The following HDAC3 variants were observed in gnomAD, a reference collection of about 807,000 sequenced individuals.
HDAC3 encodes SMAP45.
In HDAC3, 21 loss-of-function variants were observed where a neutral mutation model predicts 62.3. That is an observed-to-expected ratio of 0.34 (90% CI 0.24 to 0.49). The LOEUF is 0.49. Among genes scored for constraint, HDAC3 ranks in the 20% least tolerant of loss-of-function variants. The pLI is 0.99. For synonymous variants in HDAC3, 198 were observed against 206.5 expected (o/e 0.96, Z 0.35); for missense variants, 270 against 556.9 (o/e 0.48, Z 5.19).
Position 141,622,559 on chromosome 5 carries a change from A to G in HDAC3, c.1218-1022T>C, listed in dbSNP as rs531209414. Reference sequence around the variant, plus strand: ...GCGGAGGTTGCAGTGAGCCGGGATTAGCCACTGCACTCCAGCCTGGCAACA... The same window carrying G: ...GCGGAGGTTGCAGTGAGCCGGGATTGGCCACTGCACTCCAGCCTGGCAACA... On this transcript the variant is annotated intron_variant, in intron 14 of 14. Coordinates refer to ENST00000305264, the MANE Select transcript of HDAC3 (RefSeq NM_003883.4). 3.3e-5 allele frequency among the ~76,000 whole-genome samples: 5 copies of G among 151,988 alleles called. No homozygotes were observed. The East Asian group carries it at 9.7e-4, about 29-fold the overall frequency.
In HDAC3 at chr5:141,629,809, A is replaced by G. The variant is rs1322737438; in HGVS notation, c.420+51T>C. 4.3e-6 allele frequency: 7 copies of G among 1,612,368 alleles called. No homozygotes were observed. Among genetic ancestry groups the G allele is most frequent in the Non-Finnish European group, 8.5e-7 (1 of 1,178,502 alleles). ...CCCAGCTGCCCCCCACCATCATCCT[A>G]AACACCTACCCTAGGATGGCCACTG... On this transcript the variant is annotated intron_variant, in intron 5 of 14. Transcript: ENST00000305264. This position sits in a 1 kb window ranked among gnomAD's most constrained non-coding sequence, Gnocchi z 5.3.
intron 14 of HDAC3, among the ~76,000 whole-genome samples, chr5:141,622,971 A>C (rs945083561): frequency 6.6e-6 from 1 of 152,028 alleles, no homozygotes. Flanking sequence ...AAATACAAAA[A>C]AAATTAGCCA....
chr5:141,627,843 G>A, intron 10 of HDAC3, 50 bp downstream of exon 10: 1 of 1,565,028 alleles, frequency 6.4e-7, no homozygotes, highest in Non-Finnish European at 8.8e-7. Context: ...ACGTACTGAA[G>A]TCCAAGGCCA....
At position 141,626,291 on chromosome 5, in the gene HDAC3, A is replaced by C; in HGVS notation, c.831-8T>G. 1.2e-6 allele frequency: 2 copies of C among 1,610,526 alleles called. No homozygotes were observed. Among genetic ancestry groups the C allele is most frequent in the Non-Finnish European group, 1.7e-6 (2 of 1,176,784 alleles). On this transcript the variant is annotated splice_polypyrimidine_tract_variant and splice_region_variant and intron_variant, in intron 10 of 14. Coordinates refer to ENST00000305264, the MANE Select transcript of HDAC3 (RefSeq NM_003883.4). This position sits in a 1 kb window ranked among gnomAD's most constrained non-coding sequence, Gnocchi z 4.6. ...ACATATTCAACGCATTCCCTGTTAA[A>C]AGGAACCAGAGGAAGATGTGGAGGA... is the stretch of plus-strand genomic sequence containing the variant.
rs1202625784 is a variant in HDAC3, at chr5:141,626,083, C to A, written c.921-12G>T. 11 of 1,613,872 alleles carry A rather than the reference C, an allele frequency of 6.8e-6. No homozygotes were observed. Among genetic ancestry groups the A allele is most frequent in the Non-Finnish European group, 9.3e-6 (11 of 1,179,766 alleles). ...ATGTCTCATATGTCCTGAAACCAAC[C>A]AGCAGAGGGGAGCAGGCTGACCAAG... On this transcript the variant is annotated splice_polypyrimidine_tract_variant and intron_variant, in intron 11 of 14. Transcript: ENST00000305264. The surrounding 1 kb of genome is among the most constrained non-coding windows in gnomAD (Gnocchi z 4.6).
At position 141,628,694 on chromosome 5, in the gene HDAC3, G is replaced by T; in HGVS notation, c.611-55C>A. 1.5e-6 allele frequency: 2 copies of T among 1,364,300 alleles called. No homozygotes were observed. Among genetic ancestry groups the T allele is most frequent in the Non-Finnish European group, 2.1e-6 (2 of 957,596 alleles). 84.5% of individuals were successfully genotyped at this position (1,364,300 alleles called of 1,614,324 possible). The stretch of plus-strand genomic sequence containing the variant: ...CATGGGAAGCACCCACAACCCAGCT[G>T]TTTCAGCCCCAATCTGCACTCTGGG... On this transcript the variant is annotated intron_variant, in intron 7 of 14. Coordinates refer to ENST00000305264, the MANE Select transcript of HDAC3 (RefSeq NM_003883.4). This position sits in a 1 kb window ranked among gnomAD's most constrained non-coding sequence, Gnocchi z 4.7.
intron 3 of HDAC3, among the ~76,000 whole-genome samples, chr5:141,630,962 C>T (rs933243954): frequency 1.3e-5 from 2 of 151,428 alleles, no homozygotes; most frequent in Non-Finnish European, 2.9e-5. Flanking sequence ...GTTGGGACTA[C>T]AGGTGTGAGC....
rs530468689 is a variant in HDAC3 at position 141,622,540 on chromosome 5, G to T, written c.1218-1003C>A. Among the ~76,000 whole-genome samples the T allele has an allele frequency of 2.4e-3, 370 of 151,798 alleles. 3 individuals are homozygous for T. Among genetic ancestry groups the T allele is most frequent in the Non-Finnish European group, 4.3e-3 (292 of 67,948 alleles). On this transcript the variant is annotated intron_variant, in intron 14 of 14. Coordinates refer to ENST00000305264, the MANE Select transcript of HDAC3 (RefSeq NM_003883.4). ...AATCGCTTGAACCTGGGAGGCGGAG[G>T]TTGCAGTGAGCCGGGATTAGCCACT...
chr5:141,625,894 G>A lies in HDAC3; in HGVS notation c.979+119C>T, dbSNP rs1440795747. On this transcript the variant is annotated intron_variant, in intron 12 of 14. Coordinates refer to ENST00000305264, the MANE Select transcript of HDAC3 (RefSeq NM_003883.4). The surrounding 1 kb of genome is among the most constrained non-coding windows in gnomAD (Gnocchi z 4.0). ...AATCTCTTCCCTGCTCTGAGCCCAGGGGTTTAGTCTGCAGAGCTCTGAGAG... is the reference window on the plus strand; with the variant it reads ...AATCTCTTCCCTGCTCTGAGCCCAGAGGTTTAGTCTGCAGAGCTCTGAGAG... The A allele has an allele frequency of 2.3e-6, 3 of 1,278,106 alleles. No individual in the cohort carries two copies. Among genetic ancestry groups the A allele is most frequent in the South Asian group, 1.2e-5 (1 of 84,174 alleles). The allele number at this position is 1,278,106 out of a possible 1,614,324, so 79.2% of individuals were successfully genotyped here.
At chr5:141,622,919 G>C (rs541148270) in intron 14 of HDAC3, among the ~76,000 whole-genome samples, 2 of 152,180 alleles carry the variant, frequency 1.3e-5, no homozygotes, top group East Asian at 3.9e-4. Context: ...TCAGGAGTTC[G>C]AGACCAGCCT....
In HDAC3 at chr5:141,636,790, T is replaced by TG. The variant is rs747660524; in HGVS notation, c.-1dup. 143 of 1,609,436 alleles carry TG rather than the reference T, an allele frequency of 8.9e-5. No homozygotes were observed. Among genetic ancestry groups the TG allele is most frequent in the Non-Finnish European group, 1.2e-4 (139 of 1,177,418 alleles). ...TAGAAATAGGCCACGGTCTTGGCCA[T>TG]GGTGCCGGCGGGAGCAGGCCCCGCA... On this transcript the variant is annotated 5_prime_UTR_variant, in exon 1 of 15. Coordinates refer to ENST00000305264, the MANE Select transcript of HDAC3 (RefSeq NM_003883.4).
chr5:141,625,267 G>A lies in HDAC3; in HGVS notation c.1158C>T (p.Thr386=). The A allele has an allele frequency of 1.2e-6, 2 of 1,614,038 alleles. No homozygotes were observed. Among genetic ancestry groups the A allele is most frequent in the South Asian group, 2.2e-5 (2 of 91,078 alleles). ...QIHDVPADLL[T]YDRTDEADAE... Reference sequence around the variant, plus strand: ...CATCAGCCTCATCAGTCCTGTCATAGGTCAGGAGGTCTGCAGGCACGTCAT... The same window carrying A: ...CATCAGCCTCATCAGTCCTGTCATAAGTCAGGAGGTCTGCAGGCACGTCAT... Residue 386 remains threonine, a synonymous_variant, in exon 14 of 15, where the codon ACC becomes ACT. Transcript: ENST00000305264. The surrounding 1 kb of genome is among the most constrained non-coding windows in gnomAD (Gnocchi z 4.0).
chr5:141,633,871 G>A (rs770761119), intron 3 of HDAC3, among the ~76,000 whole-genome samples: 3 of 150,370 alleles, frequency 2.0e-5, no homozygotes, highest in Non-Finnish European at 4.4e-5. Context: ...GCTCATAAGC[G>A]TTGAAGCTAG....
Position 141,625,390 on chromosome 5 carries a change from G to C in HDAC3, c.1060-25C>G. On this transcript the variant is annotated intron_variant, in intron 13 of 14. Transcript: ENST00000305264. The surrounding 1 kb of genome is among the most constrained non-coding windows in gnomAD (Gnocchi z 4.0). ...ACTGGTTGGAAATGAGGAATACAGA[G>C]TGAGCAGTTTCCAGAGATTCCCAGG... The C allele has an allele frequency of 6.2e-7, 1 of 1,612,742 alleles. No homozygotes were observed. Among genetic ancestry groups the C allele is most frequent in the Non-Finnish European group, 8.5e-7 (1 of 1,179,288 alleles).
chr5:141,628,608 G>T lies in HDAC3; in HGVS notation c.642C>A (p.Gly214=). 6.2e-7 allele frequency: 1 copy of T among 1,614,048 alleles called. No homozygotes were observed. Among genetic ancestry groups the T allele is most frequent in the Non-Finnish European group, 8.5e-7 (1 of 1,179,988 alleles). ...GGGGCACGTTCAGACAGTAGTAGCG[G>T]CCACTCTCTGCCCCGACTTCATACA... is the stretch of plus-strand genomic sequence containing the variant. ...GDMYEVGAES[G]RYYCLNVPLR... Residue 214 remains glycine, a synonymous_variant, in exon 8 of 15, where the codon GGC becomes GGA. Transcript: ENST00000305264. The surrounding 1 kb of genome is among the most constrained non-coding windows in gnomAD (Gnocchi z 4.7).
Position 141,621,147 on chromosome 5 carries a change from A to T in HDAC3, c.*321T>A. On this transcript the variant is annotated 3_prime_UTR_variant, in exon 15 of 15. Coordinates refer to ENST00000305264, the MANE Select transcript of HDAC3 (RefSeq NM_003883.4). ...CCTTGTCTACCCGTTCATCCCTCAA[A>T]AATCTCTGGGTTCGAGGGAAGCAGG... 6.5e-6 allele frequency: 2 copies of T among 306,926 alleles called. No individual in the cohort carries two copies. Among genetic ancestry groups the T allele is most frequent in the South Asian group, 6.1e-5 (2 of 32,958 alleles). The allele number at this position is 306,926 out of a possible 1,614,324, so 19.0% of individuals were successfully genotyped here.
chr5:141,635,088 T>A, intron 2 of HDAC3, 135 bp from the exon 3 acceptor site: 1 of 840,528 alleles, frequency 1.2e-6, no homozygotes. Flanking sequence ...AATCCTTAAG[T>A]CAGTAGAGAG....
At chr5:141,621,625 C>T (rs1032433651) in intron 14 of HDAC3, 88 bp from the exon 15 acceptor site, 12 of 987,650 alleles carry the variant, frequency 1.2e-5, no homozygotes, top group South Asian at 4.0e-5. Context: ...TCTCAGGCCC[C>T]GTTGAGAACC....
At chr5:141,634,228 A>G (rs2099905649) in intron 3 of HDAC3, among the ~76,000 whole-genome samples, 1 of 152,164 alleles carries the variant, frequency 6.6e-6, no homozygotes. Flanking sequence ...CTCTACGGGT[A>G]AAAACCCCAA....
Sources: allele counts gnomAD v4.1 joint callset (sites outside exome capture counted in the v4.1 genomes callset), GRCh38; gene constraint gnomAD v4.1.1; non-coding constraint Gnocchi (gnomAD v3.1); transcripts MANE v1.5; gene names NCBI Gene and HGNC (gene_info 2026-07-23, HGNC 2026-07-21).